The following L2HGDH variants were observed in gnomAD, a reference collection of about 807,000 sequenced individuals.
L2HGDH encodes the protein L-2-hydroxyglutarate dehydrogenase, mitochondrial.
L2HGDH carries 34 observed loss-of-function variants against 51.5 expected under a neutral mutation model. The ratio of observed to expected loss-of-function variants is 0.66; its 90% confidence interval spans 0.50 to 0.88. L2HGDH has a LOEUF of 0.88. L2HGDH is among the 40% of genes least tolerant of loss of function. L2HGDH has a pLI of 0.00. For synonymous variants in L2HGDH, 198 were observed against 197.9 expected (o/e 1.00, Z -0.01); for missense variants, 558 against 571.9 (o/e 0.98, Z 0.25).
intron 9 of L2HGDH, among the ~76,000 whole-genome samples, chr14:50,249,549 G>A (rs565679898): frequency 5.5e-4 from 84 of 152,076 alleles, no homozygotes; most frequent in African/African-American, 1.6e-3. Flanking sequence ...GACCCACCCC[G>A]GGCCAAAAGG....
chr14:50,306,180 A>G (rs1486423736), intron 1 of L2HGDH, among the ~76,000 whole-genome samples: 1 of 151,420 alleles, frequency 6.6e-6, no homozygotes, highest in Non-Finnish European at 1.5e-5. Flanking sequence ...CCTCCCAAGT[A>G]GCTGGGACTA....
Position 50,269,224 on chromosome 14 carries a change from C to T in L2HGDH, c.845G>A (p.Arg282Gln), listed in dbSNP as rs765312282. ...CTPDPRIVPF[R>Q]GDYLLLKPEK... Reference sequence around the variant, plus strand: ...TGGCTTCAAAAGCAGGTAATCTCCCCGGAATGGTACAATTCGAGGATCAGG... The same window carrying T: ...TGGCTTCAAAAGCAGGTAATCTCCCTGGAATGGTACAATTCGAGGATCAGG... The change falls in exon 7 of 10, where the codon CGG becomes CAG. Residue 282 changes from arginine to glutamine, a missense_variant. By Grantham distance (43) the Arg-to-Gln change is conservative. Coordinates refer to ENST00000267436, the MANE Select transcript of L2HGDH (RefSeq NM_024884.3). The T allele has an allele frequency of 1.6e-5, 26 of 1,613,772 alleles. No individual in the cohort carries two copies. Among genetic ancestry groups the T allele is most frequent in the Middle Eastern group, 1.6e-4 (1 of 6,084 alleles).
Position 50,278,524 on chromosome 14 carries a change from G to GTAT in L2HGDH, c.731_733dup (p.Asn244dup). 6.7e-7 allele frequency: 1 copy of GTAT among 1,498,450 alleles called. No homozygotes were observed. Among genetic ancestry groups the GTAT allele is most frequent in the African/African-American group, 1.4e-5 (1 of 72,336 alleles). 92.8% of individuals were successfully genotyped at this position (1,498,450 alleles called of 1,614,324 possible). On this transcript the variant is annotated inframe_insertion, in exon 6 of 10. Coordinates refer to ENST00000267436, the MANE Select transcript of L2HGDH (RefSeq NM_024884.3). ...GTTTTGCTTAAGAATCTTTACCTTT[G>GTAT]TATTCTTTATAACAATTGGATATTG...
rs560170629 is a variant in L2HGDH at position 50,263,260 on chromosome 14, A to C, written c.1196+2098T>G. Among the ~76,000 whole-genome samples, 61 of 152,388 alleles carry C rather than the reference A, an allele frequency of 4.0e-4. 1 individual carries two copies. The South Asian group carries it at 0.012, about 31-fold the overall frequency. On this transcript the variant is annotated intron_variant, in intron 9 of 9. Transcript: ENST00000267436. Reference sequence around the variant, plus strand: ...TAAAACATCACAAGTTTGCTAAAGCAGATCACTGAAAACATAAAAGCCCTT... The same window carrying C: ...TAAAACATCACAAGTTTGCTAAAGCCGATCACTGAAAACATAAAAGCCCTT...
chr14:50,260,537 A>G (rs935986259), intron 9 of L2HGDH, among the ~76,000 whole-genome samples: 8 of 152,252 alleles, frequency 5.3e-5, no homozygotes, highest in Non-Finnish European at 1.2e-4. Context: ...TCTCCAAGTC[A>G]GCATCAGCAC....
intron 3 of L2HGDH, among the ~76,000 whole-genome samples, chr14:50,300,126 T>C (rs2030318599): frequency 1.3e-5 from 2 of 152,062 alleles, no homozygotes; most frequent in Admixed American, 1.3e-4. Context: ...TTCAGTTAAG[T>C]AAGAGGAATA....
chr14:50,295,858 C>T (rs2030010110), intron 3 of L2HGDH, among the ~76,000 whole-genome samples: 1 of 151,622 alleles, frequency 6.6e-6, no homozygotes, highest in Non-Finnish European at 1.5e-5. Flanking sequence ...CCTGCCTCAG[C>T]CTCCCAAGTA....
At chr14:50,282,472 T>C (rs1405103262) in intron 5 of L2HGDH, 1 of 456,032 alleles carries the variant, frequency 2.2e-6, no homozygotes, top group South Asian at 1.5e-5. Flanking sequence ...ACCTGACATC[T>C]TTGTTAATCT....
At chr14:50,290,872 T>A (rs1890837499) in intron 4 of L2HGDH, among the ~76,000 whole-genome samples, 1 of 151,918 alleles carries the variant, frequency 6.6e-6, no homozygotes, top group African/African-American at 2.4e-5. Context: ...ATGTTCTTCT[T>A]TTAATTTTTT....
chr14:50,281,274 T>C (rs1171389853), intron 5 of L2HGDH, among the ~76,000 whole-genome samples: 1 of 152,156 alleles, frequency 6.6e-6, no homozygotes, highest in African/African-American at 2.4e-5. Context: ...GAAAATTTTT[T>C]TCTCTCCTTT....
At chr14:50,292,747 T>G (rs1890950959) in intron 4 of L2HGDH, among the ~76,000 whole-genome samples, 2 of 151,810 alleles carry the variant, frequency 1.3e-5, no homozygotes, top group African/African-American at 4.8e-5. Flanking sequence ...TAGCCAGGTG[T>G]GGTGGCGGGT....
At chr14:50,248,747 G>A (rs1158773428) in intron 9 of L2HGDH, among the ~76,000 whole-genome samples, 4 of 152,138 alleles carry the variant, frequency 2.6e-5, no homozygotes, top group East Asian at 1.9e-4. Flanking sequence ...GGAGCAAGAC[G>A]GTGGAAAAGA....
intron 6 of L2HGDH, among the ~76,000 whole-genome samples, chr14:50,272,432 C>G (rs1476074575): frequency 1.3e-5 from 2 of 152,214 alleles, no homozygotes; most frequent in South Asian, 2.1e-4. Flanking sequence ...CCCGGCAAAT[C>G]TGATGGTAAT....
rs754741568 is a variant in L2HGDH at position 50,269,145 on chromosome 14, G to A, written c.906+18C>T. ...ACCTGCTTGAAAAAAATGAGAAGTA[G>A]GAAGCATCATTACCTACCGGATAAA... On this transcript the variant is annotated intron_variant, in intron 7 of 9. Coordinates refer to ENST00000267436, the MANE Select transcript of L2HGDH (RefSeq NM_024884.3). 34 of 1,574,914 alleles carry A rather than the reference G, an allele frequency of 2.2e-5. No individual in the cohort carries two copies. Among genetic ancestry groups the A allele is most frequent in the Middle Eastern group, 1.7e-4 (1 of 5,960 alleles).
At chr14:50,250,681 A>G (rs1414846519) in intron 9 of L2HGDH, among the ~76,000 whole-genome samples, 3 of 152,178 alleles carry the variant, frequency 2.0e-5, no homozygotes, top group Non-Finnish European at 4.4e-5. Context: ...CACACCCCCC[A>G]GTTCCAGGGG....
At chr14:50,268,011 T>C in intron 7 of L2HGDH, 101 bp from the exon 8 acceptor site, 1 of 1,132,296 alleles carries the variant, frequency 8.8e-7, no homozygotes, top group South Asian at 1.2e-5. Flanking sequence ...TTCTCATGCA[T>C]TTAATTTGTA....
intron 1 of L2HGDH, among the ~76,000 whole-genome samples, chr14:50,303,379 G>A (rs1017897228): frequency 2.6e-5 from 4 of 151,692 alleles, no homozygotes; most frequent in East Asian, 3.9e-4. Flanking sequence ...TGGAGATCAC[G>A]CCACTGCACT....
At position 50,284,032 on chromosome 14, in the gene L2HGDH, C is replaced by G; in HGVS notation, c.542G>C (p.Gly181Ala). ...ATGTGGACAATCAATAGCCATTAGA[C>G]CCTGAAACAGAATTATGAAAAGATA... ...DIKKKEPYCRGLMAIDCPHTG... is the reference protein window; with the variant it reads ...DIKKKEPYCRALMAIDCPHTG... Residue 181 changes from glycine to alanine, a missense_variant and splice_region_variant, in exon 5 of 10, where the codon GGT (glycine) becomes GCT (alanine). Physicochemically the swap from Gly to Ala is moderately conservative, Grantham distance 60 (BLOSUM62 0). Coordinates refer to ENST00000267436, the MANE Select transcript of L2HGDH (RefSeq NM_024884.3). 3 of 1,612,968 alleles carry G rather than the reference C, an allele frequency of 1.9e-6. No homozygotes were observed. The highest frequency in any genetic ancestry group is 2.5e-6 in the Non-Finnish European group (3 of 1,179,034).
At position 50,245,273 on chromosome 14, in the gene L2HGDH, A is replaced by T. The variant is rs1285028855; in HGVS notation, c.*1785T>A. 1 of 984,838 alleles carries T rather than the reference A, an allele frequency of 1.0e-6. No homozygotes were observed. Among genetic ancestry groups the T allele is most frequent in the African/African-American group, 1.7e-5 (1 of 57,236 alleles). The allele number at this position is 984,838 out of a possible 1,614,324, so 61.0% of individuals were successfully genotyped here. ...TGACTAAAGATCAGAGATATAATAG[A>T]TAAATAACTTTTTTAAATTGGAGTT... On this transcript the variant is annotated 3_prime_UTR_variant, in exon 10 of 10. Transcript: ENST00000267436.
Sources: gnomAD v4.1 joint callset for allele counts (sites outside exome capture counted in the v4.1 genomes callset) on GRCh38, gnomAD v4.1.1 for gene constraint, MANE v1.5 for transcripts, NCBI Gene and HGNC (gene_info 2026-07-23, HGNC 2026-07-21) for gene names.